TENT4B: variants seen among roughly 807,000 people sequenced by gnomAD.
The protein encoded by TENT4B is terminal nucleotidyltransferase 4B, also known as PAP associated domain containing 5.
TENT4B carries 10 observed loss-of-function variants against 75.0 expected under a neutral mutation model. That is an observed-to-expected ratio of 0.13 (90% confidence interval 0.08 to 0.23). The LOEUF (loss-of-function observed/expected upper bound fraction) is 0.23, where lower values mean the gene tolerates loss of function less well. TENT4B is among the 10% of genes least tolerant of loss of function. The pLI is 1.00. For synonymous variants in TENT4B, 350 were observed against 357.7 expected (o/e 0.98, Z 0.24); for missense variants, 579 against 893.8 (o/e 0.65, Z 4.49).
At chr16:50,160,274 A>G (rs980036571) in intron 1 of TENT4B, among the ~76,000 whole-genome samples, 4 of 152,054 alleles carry the variant, frequency 2.6e-5, no homozygotes, top group Admixed American at 2.6e-4. Flanking sequence ...ACCATTAATC[A>G]TTGGCATTTC....
In TENT4B at chr16:50,229,674, G is replaced by A; in HGVS notation, c.*346G>A. The stretch of plus-strand genomic sequence containing the variant: ...GTTATAGGGAATAGTATTCAGTGTT[G>A]GTAGGGTGATAGAAACAAAAAACAG... On this transcript the variant is annotated 3_prime_UTR_variant, in exon 12 of 12. Transcript: ENST00000561678. The A allele has an allele frequency of 1.0e-6, 1 of 1,005,024 alleles. No individual in the cohort carries two copies. Among genetic ancestry groups the A allele is most frequent in the African/African-American group, 1.7e-5 (1 of 58,188 alleles). The allele number at this position is 1,005,024 out of a possible 1,614,324, so 62.3% of individuals were successfully genotyped here. A position where few individuals can be genotyped will look rare whatever the true frequency, so the allele number is the denominator to read the frequency against.
At chr16:50,200,351 G>A (rs2030555282) in intron 1 of TENT4B, among the ~76,000 whole-genome samples, 1 of 148,918 alleles carries the variant, frequency 6.7e-6, no homozygotes. Context: ...GGGTGACAAA[G>A]CAAGACCCTG....
At chr16:50,180,335 C>A (rs937807872) in intron 1 of TENT4B, among the ~76,000 whole-genome samples, 1 of 152,168 alleles carries the variant, frequency 6.6e-6, no homozygotes, top group African/African-American at 2.4e-5. Context: ...GAACTCCTAA[C>A]CTTGTGATCT....
chr16:50,184,179 G>T (rs980022100), intron 1 of TENT4B, among the ~76,000 whole-genome samples: 7 of 152,126 alleles, frequency 4.6e-5, no homozygotes, highest in African/African-American at 1.7e-4. Context: ...AATTTTGGAA[G>T]GCCAAAATTA....
At chr16:50,194,219 T>TC (rs1289756482) in intron 1 of TENT4B, among the ~76,000 whole-genome samples, 4 of 150,910 alleles carry the variant, frequency 2.7e-5, no homozygotes, top group Non-Finnish European at 5.9e-5. Context: ...TTTCTTTCTT[T>TC]TTTTTTTTTT....
chr16:50,157,522 T>G (rs2037923453), intron 1 of TENT4B, among the ~76,000 whole-genome samples: 1 of 152,226 alleles, frequency 6.6e-6, no homozygotes, highest in Admixed American at 6.5e-5. Context: ...CTCAGACTTC[T>G]TCATGTACCC....
intron 1 of TENT4B, among the ~76,000 whole-genome samples, chr16:50,164,910 G>T (rs1194234014): frequency 6.6e-6 from 1 of 151,772 alleles, no homozygotes; most frequent in Admixed American, 6.6e-5. Context: ...AATTAGCCAG[G>T]CATGGTGATG....
chr16:50,228,387 G>GAA (rs1432085036), intron 11 of TENT4B, among the ~76,000 whole-genome samples: 2 of 152,216 alleles, frequency 1.3e-5, no homozygotes, highest in Non-Finnish European at 2.9e-5. Flanking sequence ...ATACCTTGTT[G>GAA]CTGGTGTTGA....
intron 1 of TENT4B, among the ~76,000 whole-genome samples, chr16:50,180,934 CT>C (rs2038403425): frequency 6.6e-6 from 1 of 152,064 alleles, no homozygotes; most frequent in Non-Finnish European, 1.5e-5. Context: ...GTTTTGCTTC[CT>C]TAAAATAGAA....
upstream of TENT4B, chr16:50,152,953 A>G (rs1176465487): frequency 1.3e-6 from 2 of 1,507,482 alleles, no homozygotes; most frequent in Non-Finnish European, 1.8e-6. Context: ...GGCAACCTCC[A>G]TGCGGCCTCG....
chr16:50,226,720 T>G (rs1349546543), intron 10 of TENT4B, among the ~76,000 whole-genome samples: 1 of 152,022 alleles, frequency 6.6e-6, no homozygotes, highest in Non-Finnish European at 1.5e-5. Context: ...CTGGCCAAAT[T>G]TTTTTTTAGT....
intron 1 of TENT4B, among the ~76,000 whole-genome samples, chr16:50,164,620 A>G (rs1003131020): frequency 6.6e-6 from 1 of 152,162 alleles, no homozygotes; most frequent in Non-Finnish European, 1.5e-5. Context: ...TGTTGTTTAA[A>G]TAAAAGAAAT....
At chr16:50,222,602 T>G (rs1596750195) in intron 6 of TENT4B, among the ~76,000 whole-genome samples, 168 bp downstream of exon 6, 1 of 152,258 alleles carries the variant, frequency 6.6e-6, no homozygotes, top group Non-Finnish European at 1.5e-5. Context: ...TTAGCAAATA[T>G]GTATTTTTAA....
chr16:50,162,226 G>A (rs1041744783), intron 1 of TENT4B, among the ~76,000 whole-genome samples: 2 of 152,058 alleles, frequency 1.3e-5, no homozygotes, highest in Non-Finnish European at 2.9e-5. Flanking sequence ...CAGAAGGGTG[G>A]TTTCCAGTTT....
intron 1 of TENT4B, among the ~76,000 whole-genome samples, chr16:50,210,803 C>G (rs2031239034): frequency 2.0e-5 from 3 of 152,248 alleles, no homozygotes; most frequent in Admixed American, 2.0e-4. Flanking sequence ...CTGTACCTCG[C>G]AGGCTCTGGA....
intron 7 of TENT4B, among the ~76,000 whole-genome samples, chr16:50,224,359 A>C (rs2031953379): frequency 6.6e-6 from 1 of 152,166 alleles, no homozygotes; most frequent in Admixed American, 6.5e-5. Flanking sequence ...TTGGGGTTTC[A>C]CTCTTAGGAG....
chr16:50,232,972 A>T lies in TENT4B; in HGVS notation c.*3644A>T. 1.0e-6 allele frequency: 1 copy of T among 984,468 alleles called. No homozygotes were observed. Among genetic ancestry groups the T allele is most frequent in the Non-Finnish European group, 1.2e-6 (1 of 829,036 alleles). The allele number at this position is 984,468 out of a possible 1,614,324, so 61.0% of individuals were successfully genotyped here. A position where few individuals can be genotyped will look rare whatever the true frequency, so the allele number is the denominator to read the frequency against. On this transcript the variant is annotated 3_prime_UTR_variant, in exon 12 of 12. Coordinates refer to ENST00000561678, the MANE Select transcript of TENT4B (RefSeq NM_001365324.3). ...TTGCTGTGATAAATATTGAAATGTT[A>T]AAATTAATGAACAGAAGAATTTATT...
intron 1 of TENT4B, among the ~76,000 whole-genome samples, chr16:50,170,662 A>G (rs547480388): frequency 2.0e-5 from 3 of 151,278 alleles, no homozygotes; most frequent in Non-Finnish European, 4.4e-5. Context: ...CCTGGGCAAG[A>G]TAGGGATTTT....
At chr16:50,226,794 T>G (rs546355120) in intron 10 of TENT4B, among the ~76,000 whole-genome samples, 1 of 152,328 alleles carries the variant, frequency 6.6e-6, no homozygotes, top group South Asian at 2.1e-4. Flanking sequence ...TTAGAACATA[T>G]TCACAATGTT....
Sources: allele counts gnomAD v4.1 joint callset (sites outside exome capture counted in the v4.1 genomes callset), GRCh38; gene constraint gnomAD v4.1.1; transcripts MANE v1.5; gene names NCBI Gene and HGNC (gene_info 2026-07-23, HGNC 2026-07-21).